Variants in MINDY3 observed in about 807,000 individuals in gnomAD.
MINDY3 encodes the protein ubiquitin carboxyl-terminal hydrolase MINDY-3.
In MINDY3, 38 loss-of-function variants were observed where a neutral mutation model predicts 69.2. The ratio of observed to expected loss-of-function variants is 0.55; its 90% CI spans 0.42 to 0.72. The LOEUF is 0.72. Ranked by LOEUF, MINDY3 falls within the 30% of genes least tolerant of loss-of-function variation. MINDY3 has a pLI of 0.00. For missense variants in MINDY3, 522 were observed against 519.0 expected (o/e 1.01, Z -0.06); for synonymous variants, 192 against 180.1 (o/e 1.07, Z -0.53).
intron 8 of MINDY3, among the ~76,000 whole-genome samples, chr10:15,826,276 C>A (rs1840081489): frequency 6.6e-6 from 1 of 152,138 alleles, no homozygotes; most frequent in Non-Finnish European, 1.5e-5. Context: ...TGAAAAATAT[C>A]ACACTAGCCC....
rs895514780 is a variant in MINDY3 at position 15,849,140 on chromosome 10, C to G, written c.95-1197G>C. ...TATTGTGGATACAGAAAGGCATGCTCTATACTATCATAACAGATAACTTCC... is the reference window on the plus strand; with the variant it reads ...TATTGTGGATACAGAAAGGCATGCTGTATACTATCATAACAGATAACTTCC... On this transcript the variant is annotated intron_variant, in intron 1 of 14. Coordinates refer to ENST00000277632, the MANE Select transcript of MINDY3 (RefSeq NM_024948.4). 2.6e-5 allele frequency among the ~76,000 whole-genome samples: 4 copies of G among 152,242 alleles called. No individual in the cohort carries two copies. The East Asian group carries it at 7.7e-4, about 29-fold the overall frequency.
At chr10:15,817,085 A>T in intron 9 of MINDY3, 170 bp from the exon 10 acceptor site, 1 of 597,592 alleles carries the variant, frequency 1.7e-6, no homozygotes, top group Non-Finnish European at 3.0e-6. Context: ...TGTAAAAATG[A>T]GTGTTAGAAG....
intron 8 of MINDY3, among the ~76,000 whole-genome samples, chr10:15,828,561 C>G (rs1840246914): frequency 6.9e-6 from 1 of 145,486 alleles, no homozygotes; most frequent in Non-Finnish European, 1.5e-5. Context: ...ACGTGAGTAT[C>G]TCAATAAAGC....
intron 8 of MINDY3, among the ~76,000 whole-genome samples, chr10:15,828,180 C>A (rs958720358): frequency 6.6e-6 from 1 of 152,182 alleles, no homozygotes; most frequent in African/African-American, 2.4e-5. Flanking sequence ...AGTGGAAACA[C>A]TCCACATGTT....
intron 12 of MINDY3, among the ~76,000 whole-genome samples, chr10:15,787,595 G>T (rs138078656): frequency 1.9e-3 from 289 of 152,156 alleles, no homozygotes; most frequent in Non-Finnish European, 3.5e-3. Context: ...AGCTATTCTT[G>T]TGAGGGTAAG....
chr10:15,838,116 G>A, intron 5 of MINDY3, 112 bp downstream of exon 5: 2 of 1,311,108 alleles, frequency 1.5e-6, no homozygotes, highest in Non-Finnish European at 2.0e-6. Context: ...TAAAATTTAT[G>A]TTTAAGTAGC....
intron 2 of MINDY3, among the ~76,000 whole-genome samples, chr10:15,846,499 G>A (rs371300504): frequency 6.6e-6 from 1 of 151,602 alleles, no homozygotes; most frequent in African/African-American, 2.4e-5. Flanking sequence ...TAATTCCAAG[G>A]CAAGATTCAG....
At chr10:15,796,246 G>T in intron 10 of MINDY3, 74 bp from the exon 11 acceptor site, 1 of 1,147,580 alleles carries the variant, frequency 8.7e-7, no homozygotes, top group Non-Finnish European at 1.3e-6. Flanking sequence ...TACTAGGGTA[G>T]GCAGACATAA....
intron 10 of MINDY3, among the ~76,000 whole-genome samples, chr10:15,797,447 C>G (rs554522028): frequency 3.3e-5 from 5 of 152,116 alleles, no homozygotes; most frequent in African/African-American, 9.7e-5. Context: ...ATAATGTATA[C>G]GCCCAAGTGA....
intron 8 of MINDY3, 80 bp from the exon 9 acceptor site, chr10:15,821,806 G>T: frequency 1.8e-6 from 2 of 1,093,922 alleles, no homozygotes; most frequent in Non-Finnish European, 2.7e-6. Context: ...GTACTTATAT[G>T]TATATATATT....
chr10:15,846,275 C>A (rs1467812926), intron 2 of MINDY3, among the ~76,000 whole-genome samples: 1 of 152,138 alleles, frequency 6.6e-6, no homozygotes, highest in Admixed American at 6.5e-5. Flanking sequence ...CTGTGGTATA[C>A]CCTCCATTTA....
At chr10:15,833,524 T>C (rs1306855917) in intron 8 of MINDY3, 106 bp downstream of exon 8, 2 of 650,866 alleles carry the variant, frequency 3.1e-6, no homozygotes, top group Non-Finnish European at 5.3e-6. Context: ...AGAAAACACT[T>C]AACCTCTAGG....
chr10:15,779,123 T>C lies in MINDY3; in HGVS notation c.1207A>G (p.Thr403Ala), dbSNP rs1836316362. 1 of 1,613,354 alleles carries C rather than the reference T, an allele frequency of 6.2e-7. No homozygotes were observed. Among genetic ancestry groups the C allele is most frequent in the South Asian group, 1.1e-5 (1 of 91,038 alleles). Residue 403 changes from threonine (T) to alanine (A), a missense_variant, in exon 15 of 15, where the codon ACT becomes GCT. Physicochemically the swap from Thr to Ala is moderately conservative, Grantham distance 58 (BLOSUM62 0). Transcript: ENST00000277632. ...YNEKVMYVEG[T>A]AVVMGFEDPM... is the part of the protein sequence containing the mutation. ...TCTTCAAAACCCATCACAACTGCAG[T>C]CCCTTCTACGTACATGACCTGTTGA...
intron 10 of MINDY3, among the ~76,000 whole-genome samples, chr10:15,806,125 G>A (rs1838623271): frequency 6.6e-6 from 1 of 152,108 alleles, no homozygotes. Context: ...AGGGTTGTTG[G>A]TTACTGCAGC....
rs748828553 is a variant in MINDY3, at chr10:15,789,297, T to C, written c.978A>G (p.Ser326=). Residue 326 remains serine (S), a synonymous_variant, in exon 12 of 15, where the codon TCA becomes TCG. Coordinates refer to ENST00000277632, the MANE Select transcript of MINDY3 (RefSeq NM_024948.4). ...ATGCTTTCATCACATCTTCCAGAAG[T>C]GAATCGGGTATGAATCCATTATCTA... ...DPEDNGFIPD[S]LLEDVMKALD... 5 of 1,611,430 alleles carry C rather than the reference T, an allele frequency of 3.1e-6. No individual in the cohort carries two copies. In the African/African-American group the frequency reaches 6.7e-5, roughly 22 times the overall value.
chr10:15,831,216 A>T (rs938507752), intron 8 of MINDY3, among the ~76,000 whole-genome samples: 1 of 152,166 alleles, frequency 6.6e-6, no homozygotes, highest in African/African-American at 2.4e-5. Flanking sequence ...TAAGAGTTTA[A>T]ATGAGTTTAA....
intron 10 of MINDY3, among the ~76,000 whole-genome samples, chr10:15,812,099 G>A (rs929643173): frequency 2.0e-5 from 3 of 151,886 alleles, no homozygotes; most frequent in Admixed American, 1.3e-4. Flanking sequence ...CCAGCACCAC[G>A]CCTGGGTAAT....
rs1833484382 is a variant in MINDY3, at chr10:15,841,722, A to G, written c.236-123T>C. The G allele has an allele frequency of 1.9e-5, 10 of 530,040 alleles. No individual in the cohort carries two copies. In the South Asian group the frequency reaches 3.9e-4, roughly 21 times the overall value. The allele number at this position is 530,040 out of a possible 1,614,324, so 32.8% of individuals were successfully genotyped here. A position where few individuals can be genotyped will look rare whatever the true frequency, so the allele number is the denominator to read the frequency against. ...CAAGCATTTTAAAAATGGGGGAAAA[A>G]TCTCTAAATAGATTTTAAATTATGT... On this transcript the variant is annotated intron_variant, in intron 3 of 14. Transcript: ENST00000277632.
chr10:15,844,553 CTTA>C (rs376271485), intron 2 of MINDY3, among the ~76,000 whole-genome samples: 8 of 152,214 alleles, frequency 5.3e-5, no homozygotes, highest in African/African-American at 1.2e-4. Flanking sequence ...TCAAAGTTTA[CTTA>C]TTATTTAAAT....
Sources: allele counts gnomAD v4.1 joint callset (sites outside exome capture counted in the v4.1 genomes callset), GRCh38; gene constraint gnomAD v4.1.1; transcripts MANE v1.5; gene names NCBI Gene and HGNC (gene_info 2026-07-23, HGNC 2026-07-21).